Variants in TBL1XR1 observed in about 807,000 individuals in gnomAD.
The protein encoded by TBL1XR1 is TBL1X/Y related 1.
In TBL1XR1, 5 loss-of-function variants were observed where a neutral mutation model predicts 66.9. The observed-to-expected ratio is 0.07, with a 90% CI of 0.04 to 0.16. TBL1XR1 has a LOEUF of 0.16. TBL1XR1 is among the 10% of genes least tolerant of loss of function. TBL1XR1 has a pLI of 1.00. For missense variants in TBL1XR1, 238 were observed against 623.2 expected, an observed-to-expected ratio of 0.38 and a Z score of 6.58; for synonymous variants, 210 against 206.0, an observed-to-expected ratio of 1.02 and a Z score of -0.17.
At chr3:177,157,215 C>CA (rs1731624771) in intron 1 of TBL1XR1, among the ~76,000 whole-genome samples, 1 of 151,774 alleles carries the variant, frequency 6.6e-6, no homozygotes, top group African/African-American at 2.4e-5. Context: ...TCTCAAAAAA[C>CA]AAAAAGAAAA....
At chr3:177,152,374 G>A (rs954319665) in intron 1 of TBL1XR1, among the ~76,000 whole-genome samples, 3 of 152,046 alleles carry the variant, frequency 2.0e-5, no homozygotes, top group African/African-American at 7.2e-5. Flanking sequence ...GGAGTGCAAT[G>A]GCGCGATCTC....
intron 1 of TBL1XR1, among the ~76,000 whole-genome samples, chr3:177,188,808 C>T (rs1228954808): frequency 6.6e-6 from 1 of 152,214 alleles, no homozygotes; most frequent in Non-Finnish European, 1.5e-5. Context: ...ACAGTCCACA[C>T]TAATTCTGAG....
chr3:177,168,531 C>G (rs1381277823), intron 1 of TBL1XR1, among the ~76,000 whole-genome samples: 2 of 152,170 alleles, frequency 1.3e-5, no homozygotes, highest in African/African-American at 4.8e-5. Context: ...ATCCACCCAC[C>G]TGGGCCTCCC....
chr3:177,122,749 A>G (rs1265164723), intron 1 of TBL1XR1, among the ~76,000 whole-genome samples: 1 of 152,174 alleles, frequency 6.6e-6, no homozygotes, highest in Non-Finnish European at 1.5e-5. Context: ...AAAGCACAGA[A>G]GATCACATAA....
At chr3:177,112,322 G>T (rs370515344) in intron 1 of TBL1XR1, among the ~76,000 whole-genome samples, 22 of 151,242 alleles carry the variant, frequency 1.5e-4, no homozygotes, top group African/African-American at 5.3e-4. Flanking sequence ...TGGCCAGGCT[G>T]GTCTAGAACT....
At chr3:177,151,203 A>G (rs2862700) in intron 1 of TBL1XR1, among the ~76,000 whole-genome samples, 55,552 of 152,178 alleles carry the variant, frequency 0.37, 10,725 homozygotes, top group African/African-American at 0.45. Flanking sequence ...ACTGAGAGCC[A>G]CACATTTTTC....
chr3:177,174,231 AC>A (rs1490168894), intron 1 of TBL1XR1, among the ~76,000 whole-genome samples: 1 of 151,882 alleles, frequency 6.6e-6, no homozygotes, highest in Non-Finnish European at 1.5e-5. Context: ...AACCAGTGAA[AC>A]CCCGTCTGTA....
At chr3:177,158,234 T>G (rs1430280480) in intron 1 of TBL1XR1, among the ~76,000 whole-genome samples, 2 of 150,616 alleles carry the variant, frequency 1.3e-5, no homozygotes, top group African/African-American at 4.9e-5. Context: ...CTTTTCTTTT[T>G]TTTTTTTTTT....
Position 177,191,371 on chromosome 3 carries a change from A to T in TBL1XR1, c.-122+5750T>A, listed in dbSNP as rs1263730609. 2.0e-5 allele frequency among the ~76,000 whole-genome samples: 3 copies of T among 152,244 alleles called. 1 individual carries two copies. In the South Asian group the frequency reaches 6.2e-4, roughly 31 times the overall value. On this transcript the variant is annotated intron_variant, in intron 1 of 15. Coordinates refer to ENST00000457928, the MANE Select transcript of TBL1XR1 (RefSeq NM_024665.7). ...AATCCAGACCTACAACCATTCATTC[A>T]TTGAGAAGACAGACTGCTAGGTAAC... is the stretch of plus-strand genomic sequence containing the variant.
chr3:177,038,963 T>C (rs1052660288), intron 10 of TBL1XR1, among the ~76,000 whole-genome samples: 13 of 152,032 alleles, frequency 8.6e-5, no homozygotes, highest in African/African-American at 2.7e-4. Context: ...AAATCCAAAA[T>C]CCACAATGCT....
At chr3:177,167,657 G>A (rs545287256) in intron 1 of TBL1XR1, among the ~76,000 whole-genome samples, 2 of 152,298 alleles carry the variant, frequency 1.3e-5, no homozygotes, top group South Asian at 2.1e-4. Flanking sequence ...TAGGCTGGGC[G>A]CAGTGGTTCA....
chr3:177,141,492 C>T (rs543506108), intron 1 of TBL1XR1, among the ~76,000 whole-genome samples: 3 of 152,238 alleles, frequency 2.0e-5, no homozygotes, highest in East Asian at 3.9e-4. Context: ...ACATATAAAT[C>T]GTATTAAATA....
intron 1 of TBL1XR1, among the ~76,000 whole-genome samples, chr3:177,159,423 T>G: frequency 6.6e-6 from 1 of 152,172 alleles, no homozygotes; most frequent in East Asian, 1.9e-4. Context: ...AACTGTATGA[T>G]TTATTTAAAA....
chr3:177,096,327 T>TACACACACACACAC (rs1325905920), intron 2 of TBL1XR1, among the ~76,000 whole-genome samples: 1,277 of 108,242 alleles, frequency 0.012, 16 homozygotes, highest in East Asian at 0.026. Context: ...CACACTAACA[T>TACACACACACACAC]ACATACATAC....
chr3:177,159,007 T>C (rs1164487079), intron 1 of TBL1XR1, among the ~76,000 whole-genome samples: 1 of 152,174 alleles, frequency 6.6e-6, no homozygotes, highest in Non-Finnish European at 1.5e-5. Context: ...TTATTAGCAT[T>C]CAAAGAGCCT....
intron 2 of TBL1XR1, among the ~76,000 whole-genome samples, chr3:177,083,957 G>A (rs188262721): frequency 3.0e-4 from 45 of 151,336 alleles, no homozygotes; most frequent in African/African-American, 9.7e-4. Context: ...GCGTGGTGGC[G>A]GGCACCTGTA....
At chr3:177,181,023 T>C (rs1030362181) in intron 1 of TBL1XR1, among the ~76,000 whole-genome samples, 1 of 151,792 alleles carries the variant, frequency 6.6e-6, no homozygotes, top group African/African-American at 2.4e-5. Context: ...GCGTGACCCA[T>C]GGCACTGGAC....
chr3:177,094,110 G>A (rs1723159048), intron 2 of TBL1XR1, among the ~76,000 whole-genome samples: 1 of 151,806 alleles, frequency 6.6e-6, no homozygotes, highest in Non-Finnish European at 1.5e-5. Context: ...CAATCTACAA[G>A]GAACTCAAAC....
At chr3:177,059,127 C>T (rs144131037) in intron 3 of TBL1XR1, among the ~76,000 whole-genome samples, 18 of 152,296 alleles carry the variant, frequency 1.2e-4, no homozygotes, top group African/African-American at 4.1e-4. Flanking sequence ...GGCGGACATA[C>T]CAGACGCTGA....
Sources: gnomAD v4.1 joint callset for allele counts (sites outside exome capture counted in the v4.1 genomes callset) on GRCh38, gnomAD v4.1.1 for gene constraint, MANE v1.5 for transcripts, NCBI Gene and HGNC (gene_info 2026-07-23, HGNC 2026-07-21) for gene names.